LSS: variants seen among roughly 807,000 people sequenced by gnomAD.
LSS encodes lanosterol synthase, also known as 2,3-epoxysqualene-lanosterol cyclase.
A neutral mutation model predicts 110.3 loss-of-function variants in LSS; 90 were observed. That is an observed-to-expected ratio of 0.82 (90% CI 0.69 to 0.97). The LOEUF (loss-of-function observed/expected upper bound fraction) is 0.97, where lower values mean the gene tolerates loss of function less well. Among genes scored for constraint, LSS ranks in the 50% least tolerant of loss-of-function variants. The pLI is 0.00. For missense variants in LSS, 927 were observed against 990.0 expected, an observed-to-expected ratio of 0.94 and a Z score of 0.85; for synonymous variants, 433 against 400.0, an observed-to-expected ratio of 1.08 and a Z score of -0.98.
intron 16 of LSS, 26 bp downstream of exon 16, chr21:46,206,646 C>T (rs553632201): frequency 2.2e-5 from 35 of 1,591,748 alleles, no homozygotes; most frequent in African/African-American, 8.0e-5. Context: ...CGGGTTTGCG[C>T]GCCGCAGTGC....
rs747251487 is a variant in LSS at position 46,188,848 on chromosome 21, G to A, written c.*2256C>T. 5 of 459,956 alleles carry A rather than the reference G, an allele frequency of 1.1e-5. No homozygotes were observed. Among genetic ancestry groups the A allele is most frequent in the Admixed American group, 2.4e-5 (1 of 41,782 alleles). The allele number at this position is 459,956 out of a possible 1,614,324, so 28.5% of individuals were successfully genotyped here. A position where few individuals can be genotyped will look rare whatever the true frequency, so the allele number is the denominator to read the frequency against. ...TGTGAAGGAAAACAATGCAGTGAAA[G>A]AAAGTTCCTCCTATGTGGACATTGT... On this transcript the variant is annotated 3_prime_UTR_variant, in exon 22 of 22. Coordinates refer to ENST00000397728, the MANE Select transcript of LSS (RefSeq NM_002340.6).
At chr21:46,220,918 T>C (rs1241515984) in intron 5 of LSS, among the ~76,000 whole-genome samples, 1 of 146,050 alleles carries the variant, frequency 6.8e-6, no homozygotes, top group East Asian at 2.1e-4. Context: ...GCCCAGGGCT[T>C]GGGGAGGTAG....
intron 17 of LSS, among the ~76,000 whole-genome samples, chr21:46,201,090 G>C (rs1349717291): frequency 2.1e-5 from 3 of 142,854 alleles, no homozygotes; most frequent in Non-Finnish European, 1.5e-5. Flanking sequence ...GGGAGGACAG[G>C]TCATGAAGTC....
At position 46,194,500 on chromosome 21, in the gene LSS, A is replaced by G. The variant is rs758939862; in HGVS notation, c.1979T>C (p.Met660Thr). ...HNTCWAMMGL[M>T]AVRHPDIEAQ... ...GTCCCGTCGTCCCCACCGAACGGCCATCAGCCCCATCATGGCCCAGCATGT... is the reference window on the plus strand; with the variant it reads ...GTCCCGTCGTCCCCACCGAACGGCCGTCAGCCCCATCATGGCCCAGCATGT... The change falls in exon 20 of 22, where the codon ATG becomes ACG. Residue 660 changes from methionine to threonine, a missense_variant. Coordinates refer to ENST00000397728, the MANE Select transcript of LSS (RefSeq NM_002340.6). The G allele has an allele frequency of 6.2e-7, 1 of 1,613,670 alleles. No individual in the cohort carries two copies. The highest frequency in any genetic ancestry group is 8.5e-7 in the Non-Finnish European group (1 of 1,180,014).
chr21:46,222,244 G>A (rs1274325693), intron 4 of LSS: 2 of 543,774 alleles, frequency 3.7e-6, no homozygotes, highest in Non-Finnish European at 6.6e-6. Context: ...TAGCTCAAGG[G>A]CGGTCCACTT....
At chr21:46,205,962 C>A in intron 16 of LSS, 21 bp from the exon 17 acceptor site, 1 of 1,564,646 alleles carries the variant, frequency 6.4e-7, no homozygotes, top group African/African-American at 1.3e-5. Flanking sequence ...GAGGGAAGAA[C>A]CAAGTGTTGG....
At chr21:46,199,025 G>A (rs1176892052) in intron 17 of LSS, among the ~76,000 whole-genome samples, 1 of 152,058 alleles carries the variant, frequency 6.6e-6, no homozygotes, top group Non-Finnish European at 1.5e-5. Flanking sequence ...ATACATGAAA[G>A]AGAACATTGA....
intron 20 of LSS, among the ~76,000 whole-genome samples, chr21:46,194,115 C>A (rs552686465): frequency 5.0e-4 from 76 of 152,294 alleles, no homozygotes; most frequent in African/African-American, 1.8e-3. Flanking sequence ...GCTGTGAACA[C>A]AGTAGGGCCA....
rs2080098675 is a variant in LSS at position 46,209,474 on chromosome 21, G to A, written c.1266+80C>T. 1 of 1,295,250 alleles carries A rather than the reference G, an allele frequency of 7.7e-7. No individual in the cohort carries two copies. Among genetic ancestry groups the A allele is most frequent in the Non-Finnish European group, 1.1e-6 (1 of 930,520 alleles). The allele number at this position is 1,295,250 out of a possible 1,614,324, so 80.2% of individuals were successfully genotyped here. On this transcript the variant is annotated intron_variant, in intron 13 of 21. Coordinates refer to ENST00000397728, the MANE Select transcript of LSS (RefSeq NM_002340.6). The surrounding 1 kb of genome is among the most constrained non-coding windows in gnomAD (Gnocchi z 4.4). ...AGGAAATAGGGCAGGGTGGAGGTGA[G>A]GTGGGCACTTCTGCCTGCAGGAGCT...
In LSS at chr21:46,196,255, C is replaced by T. The variant is rs767656362; in HGVS notation, c.1683G>A (p.Thr561=). Residue 561 remains threonine (T), a synonymous_variant, in exon 18 of 22, where the codon ACG becomes ACA. Transcript: ENST00000397728. ...HRAAEIRETL[T]QGLEFCRRQQ... ...GCCGCCGACAGAACTCTAAGCCCTGCGTGAGGGTCTCCCTGGAACACGAGA... is the reference window on the plus strand; with the variant it reads ...GCCGCCGACAGAACTCTAAGCCCTGTGTGAGGGTCTCCCTGGAACACGAGA... 39 of 1,614,112 alleles carry T rather than the reference C, an allele frequency of 2.4e-5. No homozygotes were observed. The highest frequency in any genetic ancestry group is 3.1e-5 in the Non-Finnish European group (36 of 1,180,016).
Position 46,189,892 on chromosome 21 carries a change from C to CAGGCAA in LSS, c.*1206_*1211dup. 1 of 358,444 alleles carries CAGGCAA rather than the reference C, an allele frequency of 2.8e-6. No homozygotes were observed. The highest frequency in any genetic ancestry group is 3.3e-5 in the Admixed American group (1 of 29,962). 22.2% of individuals were successfully genotyped at this position (358,444 alleles called of 1,614,324 possible). A position where few individuals can be genotyped will look rare whatever the true frequency, so the allele number is the denominator to read the frequency against. On this transcript the variant is annotated 3_prime_UTR_variant, in exon 22 of 22. Coordinates refer to ENST00000397728, the MANE Select transcript of LSS (RefSeq NM_002340.6). The stretch of plus-strand genomic sequence containing the variant: ...GAGCATGTGAGCTGCTCATCCACAT[C>CAGGCAA]AGGCAAAGGCAAAGCCAGGACCTGA...
chr21:46,201,801 CTTT>C (rs35255202), intron 17 of LSS, among the ~76,000 whole-genome samples: 50,196 of 144,846 alleles, frequency 0.35, 8,596 homozygotes, highest in Admixed American at 0.43. Context: ...AGTTTAAAAT[CTTT>C]TTTTTTTTTT....
intron 15 of LSS, among the ~76,000 whole-genome samples, chr21:46,207,034 C>T (rs1028034307): frequency 4.2e-4 from 64 of 152,198 alleles, no homozygotes; most frequent in African/African-American, 1.5e-3. Context: ...TCTGTGCTGC[C>T]AGAAAAGGGC....
intron 17 of LSS, among the ~76,000 whole-genome samples, chr21:46,199,559 G>A (rs1370404025): frequency 6.6e-6 from 1 of 152,202 alleles, no homozygotes; most frequent in Non-Finnish European, 1.5e-5. Context: ...AACATTGATA[G>A]CAACTTTATT....
Position 46,196,255 on chromosome 21 carries a change from C to A in LSS, c.1683G>T (p.Thr561=). ...HRAAEIRETL[T]QGLEFCRRQQ... ...GCCGCCGACAGAACTCTAAGCCCTG[C>A]GTGAGGGTCTCCCTGGAACACGAGA... The change falls in exon 18 of 22, where the codon ACG becomes ACT. Residue 561 remains threonine (T), a synonymous_variant. Coordinates refer to ENST00000397728, the MANE Select transcript of LSS (RefSeq NM_002340.6). 8 of 1,614,112 alleles carry A rather than the reference C, an allele frequency of 5.0e-6. No individual in the cohort carries two copies. Among genetic ancestry groups the A allele is most frequent in the South Asian group, 1.1e-5 (1 of 91,082 alleles).
intron 17 of LSS, among the ~76,000 whole-genome samples, chr21:46,203,950 G>C (rs955815559): frequency 1.3e-5 from 2 of 152,166 alleles, no homozygotes; most frequent in African/African-American, 4.8e-5. Context: ...TTCAATAAAA[G>C]CCTGAAAATC....
At chr21:46,193,790 C>T (rs1197141793) in intron 20 of LSS, 2 of 393,128 alleles carry the variant, frequency 5.1e-6, no homozygotes, top group East Asian at 8.8e-5. Context: ...CTGTGTGTGG[C>T]ACAGATGGGA....
At chr21:46,195,002 T>A (rs538273698) in intron 19 of LSS, among the ~76,000 whole-genome samples, 7 of 152,146 alleles carry the variant, frequency 4.6e-5, no homozygotes, top group African/African-American at 1.4e-4. Flanking sequence ...CCTCTAAACA[T>A]CCACACGGCA....
chr21:46,194,311 G>A (rs566871014), intron 20 of LSS, among the ~76,000 whole-genome samples, 180 bp downstream of exon 20: 18 of 152,316 alleles, frequency 1.2e-4, no homozygotes, highest in African/African-American at 3.6e-4. Flanking sequence ...AGCAGCCCAC[G>A]TTCTTGCCCC....
Sources: allele counts gnomAD v4.1 joint callset (sites outside exome capture counted in the v4.1 genomes callset), GRCh38; gene constraint gnomAD v4.1.1; non-coding constraint Gnocchi (gnomAD v3.1); transcripts MANE v1.5; gene names NCBI Gene and HGNC (gene_info 2026-07-23, HGNC 2026-07-21).